Variants in TMEM131L observed in about 807,000 individuals in gnomAD.
The protein encoded by TMEM131L is transmembrane protein 131-like.
In TMEM131L, 54 loss-of-function variants were observed where a neutral mutation model predicts 192.2. That is an observed-to-expected ratio of 0.28 (90% CI 0.23 to 0.35). The LOEUF is 0.35. Ranked by LOEUF, TMEM131L falls within the 10% of genes least tolerant of loss-of-function variation. TMEM131L has a pLI of 1.00. For missense variants in TMEM131L, 1,888 were observed against 1,972.9 expected (o/e 0.96, Z 0.82); for synonymous variants, 701 against 704.9 (o/e 0.99, Z 0.09).
In TMEM131L at chr4:153,586,371, C is replaced by G. The variant is rs1730699041; in HGVS notation, c.1474C>G (p.Pro492Ala). 6 of 1,596,076 alleles carry G rather than the reference C, an allele frequency of 3.8e-6. No individual in the cohort carries two copies. The highest frequency in any genetic ancestry group is 5.1e-6 in the Non-Finnish European group (6 of 1,173,682). Reference sequence around the variant, plus strand: ...AATACCTCTACAGATTTATTCAGCACCAACCAAGGTATTTTCTACAATACT... The same window carrying G: ...AATACCTCTACAGATTTATTCAGCAGCAACCAAGGTATTTTCTACAATACT... ...FAIPLQIYSAPTKEGSLGFEV... is the reference protein window; with the variant it reads ...FAIPLQIYSAATKEGSLGFEV... The change falls in exon 14 of 35, where the codon CCA becomes GCA. Residue 492 changes from proline to alanine, a missense_variant. Physicochemically the swap from Pro to Ala is conservative, Grantham distance 27 (BLOSUM62 -1). Transcript: ENST00000409959.
intron 3 of TMEM131L, among the ~76,000 whole-genome samples, chr4:153,496,532 A>G (rs533916885): frequency 6.6e-6 from 1 of 152,232 alleles, no homozygotes; most frequent in African/African-American, 2.4e-5. Context: ...TGTTAGTGAA[A>G]GATTTAGGAT....
intron 3 of TMEM131L, among the ~76,000 whole-genome samples, chr4:153,511,438 A>G (rs562064837): frequency 1.3e-5 from 2 of 152,300 alleles, no homozygotes; most frequent in African/African-American, 4.8e-5. Context: ...TAACACGTGG[A>G]AACATAGGGT....
Position 153,596,389 on chromosome 4 carries a change from G to C in TMEM131L, c.2123+4G>C, listed in dbSNP as rs1242771729. 6.2e-7 allele frequency: 1 copy of C among 1,613,088 alleles called. No individual in the cohort carries two copies. The highest frequency in any genetic ancestry group is 8.5e-7 in the Non-Finnish European group (1 of 1,179,326). The stretch of plus-strand genomic sequence containing the variant: ...TTACCTCACTCATACTAATCCGGTA[G>C]GTGTGTTCCTGTTGTAGAATCTGTT... On this transcript the variant is annotated splice_donor_region_variant and intron_variant, in intron 20 of 34. Transcript: ENST00000409959.
intron 7 of TMEM131L, among the ~76,000 whole-genome samples, chr4:153,577,443 G>A (rs1730028405): frequency 6.6e-6 from 1 of 152,116 alleles, no homozygotes; most frequent in South Asian, 2.1e-4. Context: ...GTGTAGTTTT[G>A]TGGTGTTAGA....
chr4:153,597,374 C>A (rs1403256767), intron 20 of TMEM131L, among the ~76,000 whole-genome samples: 1 of 151,762 alleles, frequency 6.6e-6, no homozygotes, highest in African/African-American at 2.4e-5. Flanking sequence ...CCAGGTTGAA[C>A]TATCTCAGGC....
chr4:153,623,086 G>A lies in TMEM131L; in HGVS notation c.4045+3G>A. 1.9e-6 allele frequency: 3 copies of A among 1,593,708 alleles called. No homozygotes were observed. The highest frequency in any genetic ancestry group is 2.6e-6 in the Non-Finnish European group (3 of 1,170,912). ...CGCCCAGCACTTCCTGCCGGCCGGT[G>A]AGTCCTGAGCAGAGCCCCAGGCACT... On this transcript the variant is annotated splice_donor_region_variant and intron_variant, in intron 29 of 34. Transcript: ENST00000409959.
At position 153,591,190 on chromosome 4, in the gene TMEM131L, G is replaced by A; in HGVS notation, c.1808G>A (p.Arg603Lys). The A allele has an allele frequency of 6.2e-7, 1 of 1,600,570 alleles. No homozygotes were observed. The highest frequency in any genetic ancestry group is 8.5e-7 in the Non-Finnish European group (1 of 1,172,722). Reference sequence around the variant, plus strand: ...TTCAGCGCAACTGCCCTTAGGAGCAGGATGGTGAGGACAGTGTGTCTTTTC... The same window carrying A: ...TTCAGCGCAACTGCCCTTAGGAGCAAGATGGTGAGGACAGTGTGTCTTTTC... ...LNFSATALRS[R>K]MIKYFVVQNP... Residue 603 changes from arginine (R) to lysine (K), a missense_variant, in exon 17 of 35, where the codon AGG (arginine) becomes AAG (lysine). Coordinates refer to ENST00000409959, the MANE Select transcript of TMEM131L (RefSeq NM_001131007.2).
chr4:153,517,018 G>C (rs1052835872), intron 3 of TMEM131L, among the ~76,000 whole-genome samples: 12 of 152,104 alleles, frequency 7.9e-5, no homozygotes, highest in Non-Finnish European at 1.8e-4. Context: ...GTAGAGATGG[G>C]GTTTCACCGT....
At chr4:153,524,368 A>T (rs1735334902) in intron 3 of TMEM131L, among the ~76,000 whole-genome samples, 1 of 152,202 alleles carries the variant, frequency 6.6e-6, no homozygotes, top group South Asian at 2.1e-4. Flanking sequence ...CTGGCAGTCC[A>T]GGTCTTCTCC....
intron 7 of TMEM131L, among the ~76,000 whole-genome samples, chr4:153,570,021 T>G: frequency 6.6e-6 from 1 of 152,144 alleles, no homozygotes; most frequent in East Asian, 1.9e-4. Context: ...TATTTTATTT[T>G]ATTTTTATTT....
At chr4:153,630,009 A>G (rs1187647010) in intron 31 of TMEM131L, among the ~76,000 whole-genome samples, 1 of 152,124 alleles carries the variant, frequency 6.6e-6, no homozygotes, top group African/African-American at 2.4e-5. Flanking sequence ...CCTGGCCCCA[A>G]AGGGAGACAC....
chr4:153,484,852 G>T (rs1732204710), intron 3 of TMEM131L, among the ~76,000 whole-genome samples: 1 of 145,778 alleles, frequency 6.9e-6, no homozygotes, highest in African/African-American at 2.5e-5. Context: ...AGGTGCAGTG[G>T]CTCACGCCTG....
At chr4:153,627,896 A>G (rs985047335) in intron 31 of TMEM131L, among the ~76,000 whole-genome samples, 1 of 152,204 alleles carries the variant, frequency 6.6e-6, no homozygotes, top group East Asian at 1.9e-4. Context: ...TTGTGCATCA[A>G]TAGTGAGCCC....
intron 21 of TMEM131L, 80 bp from the exon 22 acceptor site, chr4:153,602,072 A>G (rs867600664): frequency 1.0e-5 from 9 of 888,292 alleles, no homozygotes; most frequent in South Asian, 6.4e-5. Context: ...GGTTTATTCA[A>G]TAAATATCGA....
chr4:153,556,126 T>TG (rs1728422649), intron 5 of TMEM131L, among the ~76,000 whole-genome samples: 6 of 34,958 alleles, frequency 1.7e-4, no homozygotes, highest in Admixed American at 3.7e-4. Flanking sequence ...CGGGGGGAGG[T>TG]GGGGGGTTGG....
At chr4:153,518,625 C>T (rs372623882) in intron 3 of TMEM131L, among the ~76,000 whole-genome samples, 22 of 152,114 alleles carry the variant, frequency 1.4e-4, no homozygotes, top group African/African-American at 2.9e-4. Flanking sequence ...ATCATAGAAG[C>T]GATGGGAACA....
At chr4:153,563,456 CTTTTTTTT>C (rs1177255196) in intron 7 of TMEM131L, among the ~76,000 whole-genome samples, 24 of 88,206 alleles carry the variant, frequency 2.7e-4, no homozygotes, top group African/African-American at 1.1e-3. Flanking sequence ...GATATGTACC[CTTTTTTTT>C]TTTTTTTTTT....
intron 3 of TMEM131L, among the ~76,000 whole-genome samples, chr4:153,548,588 C>T (rs940401923): frequency 1.3e-5 from 2 of 152,192 alleles, no homozygotes; most frequent in Non-Finnish European, 2.9e-5. Context: ...CAGGCGTGAG[C>T]CACTGCGTCC....
In TMEM131L at chr4:153,552,701, G is replaced by C. The variant is rs542533278; in HGVS notation, c.308+2560G>C. Among the ~76,000 whole-genome samples, 8 of 152,136 alleles carry C rather than the reference G, an allele frequency of 5.3e-5. No homozygotes were observed. The South Asian group carries it at 1.7e-3, about 32-fold the overall frequency. On this transcript the variant is annotated intron_variant, in intron 4 of 34. Coordinates refer to ENST00000409959, the MANE Select transcript of TMEM131L (RefSeq NM_001131007.2). ...TTTTAAAAATTAGCTAAGCATGGTG[G>C]TGCACACCTGTACTTCCAGCTACTC...
Sources: gnomAD v4.1 joint callset for allele counts (sites outside exome capture counted in the v4.1 genomes callset) on GRCh38, gnomAD v4.1.1 for gene constraint, MANE v1.5 for transcripts, NCBI Gene and HGNC (gene_info 2026-07-23, HGNC 2026-07-21) for gene names.